HDAC8: variants seen among roughly 807,000 people sequenced by gnomAD.
HDAC8 encodes histone deacetylase 8, also known as histone deacetylase-like 1.
In HDAC8, 1 loss-of-function variant was observed where a neutral mutation model predicts 32.2. That is an observed-to-expected ratio of 0.03 (90% CI 0.01 to 0.15). The LOEUF (loss-of-function observed/expected upper bound fraction) is 0.15. Among genes scored for constraint, HDAC8 ranks in the 10% least tolerant of loss-of-function variants. The pLI is 1.00. For synonymous variants in HDAC8, 108 were observed against 113.9 expected, an observed-to-expected ratio of 0.95 and a Z score of 0.33; for missense variants, 117 against 300.0, an observed-to-expected ratio of 0.39 and a Z score of 4.51.
At chrX:72,572,599 G>GGCCCCCCCCCCCCC in intron 1 of HDAC8, 52 bp downstream of exon 1, 5 of 453,101 alleles carry the variant, frequency 1.1e-5, no homozygotes, top group South Asian at 6.1e-5. Context: ...TTCGTCCACC[G>GGCCCCCCCCCCCCC]CCCCCACCCC....
At chrX:72,532,402 C>A (rs1289028937) in intron 4 of HDAC8, among the ~76,000 whole-genome samples, 1 of 108,827 alleles carries the variant, frequency 9.2e-6, no homozygotes, top group Non-Finnish European at 1.9e-5. Flanking sequence ...CCAGCTGTAC[C>A]ATTTTAGATT....
At chrX:72,397,002 T>C (rs2045782082) in intron 9 of HDAC8, among the ~76,000 whole-genome samples, 1 of 111,653 alleles carries the variant, frequency 9.0e-6, no homozygotes, top group African/African-American at 3.3e-5. Context: ...AGGCATCTGC[T>C]TGGCTTCTGA....
intron 9 of HDAC8, among the ~76,000 whole-genome samples, chrX:72,368,948 T>A (rs1555955389): frequency 3.6e-5 from 4 of 112,162 alleles, no homozygotes; most frequent in Non-Finnish European, 7.5e-5. Context: ...CACTGGTTTA[T>A]CTGATTCGTG....
At chrX:72,344,017 G>C (rs1555946023) in intron 10 of HDAC8, among the ~76,000 whole-genome samples, 2 of 112,163 alleles carry the variant, frequency 1.8e-5, no homozygotes, top group African/African-American at 6.5e-5. Context: ...GCAATAAAAA[G>C]GTGCCGCTCC....
chrX:72,439,994 T>A (rs782084932), intron 9 of HDAC8, among the ~76,000 whole-genome samples: 1 of 111,952 alleles, frequency 8.9e-6, no homozygotes, highest in East Asian at 2.8e-4. Context: ...TCTACAGAGC[T>A]CTCCACCACA....
At chrX:72,344,032 T>C (rs1208048439) in intron 10 of HDAC8, among the ~76,000 whole-genome samples, 1 of 111,969 alleles carries the variant, frequency 8.9e-6, no homozygotes, top group East Asian at 2.8e-4. Context: ...CGCTCCCATT[T>C]TTGGCCAGAG....
intron 10 of HDAC8, among the ~76,000 whole-genome samples, chrX:72,337,898 CTGTCT>C (rs1396735525): frequency 8.9e-6 from 1 of 111,792 alleles, no homozygotes; most frequent in Non-Finnish European, 1.9e-5. Flanking sequence ...AGGGCTTCTC[CTGTCT>C]TTGAACTTGC....
intron 9 of HDAC8, among the ~76,000 whole-genome samples, chrX:72,427,500 T>A (rs1418920907): frequency 1.0e-5 from 1 of 98,978 alleles, no homozygotes; most frequent in Non-Finnish European, 2.0e-5. Context: ...CTCAAGGACA[T>A]AAAACCAAAC....
At chrX:72,339,669 G>T (rs782779073) in intron 10 of HDAC8, among the ~76,000 whole-genome samples, 7 of 112,075 alleles carry the variant, frequency 6.2e-5, no homozygotes, top group African/African-American at 1.9e-4. Flanking sequence ...AGGCCATGGG[G>T]AGCCTCTGAG....
intron 4 of HDAC8, among the ~76,000 whole-genome samples, chrX:72,517,672 G>C (rs781868094): frequency 2.0e-4 from 22 of 111,621 alleles, no homozygotes; most frequent in Non-Finnish European, 3.6e-4. Context: ...TTGTGGAAAA[G>C]ACTGTTCTTC....
chrX:72,550,539 A>G (rs1446753540), intron 4 of HDAC8, among the ~76,000 whole-genome samples: 1 of 110,634 alleles, frequency 9.0e-6, no homozygotes, highest in African/African-American at 3.3e-5. Flanking sequence ...AAACACATAC[A>G]TACATGCACA....
At chrX:72,460,552 C>T (rs1327110718) in intron 9 of HDAC8, among the ~76,000 whole-genome samples, 5 of 111,927 alleles carry the variant, frequency 4.5e-5, no homozygotes, top group Non-Finnish European at 9.4e-5. Context: ...AGACAGAACA[C>T]CTATTTATGA....
At chrX:72,541,572 G>C (rs73624234) in intron 4 of HDAC8, among the ~76,000 whole-genome samples, 2 of 111,887 alleles carry the variant, frequency 1.8e-5, no homozygotes, top group East Asian at 2.8e-4. Flanking sequence ...CAGACCAAAG[G>C]GGGCAAGGCT....
intron 9 of HDAC8, among the ~76,000 whole-genome samples, chrX:72,359,208 G>A (rs1490850635): frequency 1.8e-5 from 2 of 109,714 alleles, no homozygotes; most frequent in African/African-American, 6.6e-5. Flanking sequence ...TAGGTATTTC[G>A]AGTTAGTTAT....
intron 4 of HDAC8, among the ~76,000 whole-genome samples, chrX:72,559,438 C>T (rs1340108645): frequency 9.0e-6 from 1 of 110,520 alleles, no homozygotes; most frequent in Non-Finnish European, 1.9e-5. Context: ...ACCTCCCAGC[C>T]GCCTGCCTTG....
intron 4 of HDAC8, among the ~76,000 whole-genome samples, chrX:72,556,787 C>T (rs781796908): frequency 2.7e-5 from 3 of 111,812 alleles, no homozygotes; most frequent in Admixed American, 9.4e-5. Flanking sequence ...ATGAGATAGA[C>T]AGCAACACAA....
Position 72,384,569 on chromosome X carries a change from T to C in HDAC8, c.1006-32731A>G, listed in dbSNP as rs2045365272. Among the ~76,000 whole-genome samples the C allele has an allele frequency of 2.7e-5, 3 of 111,644 alleles. No individual in the cohort carries two copies. In the South Asian group the frequency reaches 1.1e-3, roughly 43 times the overall value. On this transcript the variant is annotated intron_variant, in intron 9 of 10. Coordinates refer to ENST00000373573, the MANE Select transcript of HDAC8 (RefSeq NM_018486.3). ...ACCAGGGCAAACAAGGGCCCCAATTTAGCCTGCCCGCCCTAACTTTGGAGG... is the reference window on the plus strand; with the variant it reads ...ACCAGGGCAAACAAGGGCCCCAATTCAGCCTGCCCGCCCTAACTTTGGAGG...
chrX:72,471,871 T>C (rs1052288287), intron 7 of HDAC8, among the ~76,000 whole-genome samples: 1 of 111,317 alleles, frequency 9.0e-6, no homozygotes, highest in Non-Finnish European at 1.9e-5. Flanking sequence ...TTTATCTATT[T>C]CTTCTTTTTT....
At chrX:72,360,579 T>C (rs1197119999) in intron 9 of HDAC8, among the ~76,000 whole-genome samples, 2 of 111,775 alleles carry the variant, frequency 1.8e-5, no homozygotes, top group African/African-American at 6.5e-5. Context: ...TAATGTGGGT[T>C]CTGGTCAGGA....
Sources: allele counts gnomAD v4.1 joint callset (sites outside exome capture counted in the v4.1 genomes callset), GRCh38; gene constraint gnomAD v4.1.1; transcripts MANE v1.5; gene names NCBI Gene and HGNC (gene_info 2026-07-23, HGNC 2026-07-21).